PODXL: variants seen among roughly 807,000 people sequenced by gnomAD.
PODXL encodes podocalyxin like.
A neutral mutation model predicts 48.9 loss-of-function variants in PODXL; 20 were observed. That is an observed-to-expected ratio of 0.41 (90% confidence interval 0.29 to 0.59). The LOEUF (loss-of-function observed/expected upper bound fraction) is 0.59, where lower values mean the gene tolerates loss of function less well. Among genes scored for constraint, PODXL ranks in the 20% least tolerant of loss-of-function variants. PODXL has a pLI of 0.31. For synonymous variants in PODXL, 295 were observed against 287.4 expected (o/e 1.03, Z -0.27); for missense variants, 606 against 675.1 (o/e 0.90, Z 1.13).
chr7:131,508,827 C>G (rs934497073), intron 5 of PODXL, 124 bp downstream of exon 5: 1 of 770,474 alleles, frequency 1.3e-6, no homozygotes, highest in South Asian at 1.5e-5. Flanking sequence ...AAATGAGGGC[C>G]GGAAAGCAAA....
Position 131,505,908 on chromosome 7 carries a change from T to G in PODXL, c.1439A>C (p.Tyr480Ser). Residue 480 changes from tyrosine (Y) to serine (S), a missense_variant, in exon 8 of 9, where the codon TAT (tyrosine) becomes TCT (serine). Physicochemically the swap from Tyr to Ser is moderately radical, Grantham distance 144 (BLOSUM62 -2). Transcript: ENST00000378555. Reference sequence around the variant, plus strand: ...GGAGAGGCGCTGGTGGCAGCAGCCATAGAGGGCCGCCACGAGGAGCAGGAA... The same window carrying G: ...GGAGAGGCGCTGGTGGCAGCAGCCAGAGAGGGCCGCCACGAGGAGCAGGAA... ...ASFLLLVAAL[Y>S]GCCHQRLSQR... The G allele has an allele frequency of 1.3e-6, 2 of 1,580,960 alleles. No individual in the cohort carries two copies. Among genetic ancestry groups the G allele is most frequent in the Non-Finnish European group, 1.7e-6 (2 of 1,163,844 alleles).
At position 131,501,161 on chromosome 7, in the gene PODXL, C is replaced by CTTG. The variant is rs887102298; in HGVS notation, c.*3147_*3149dup. The CTTG allele has an allele frequency of 1.3e-5, 2 of 152,058 alleles. No homozygotes were observed. The highest frequency in any genetic ancestry group is 4.9e-5 in the African/African-American group (2 of 41,182). The allele number at this position is 152,058 out of a possible 1,614,324, so 9.4% of individuals were successfully genotyped here. Reference sequence around the variant, plus strand: ...GACAAATACTTTATCATAAGTTTGTCTTGTTATATTTCATTTTTTGTTTAA... The same window carrying CTTG: ...GACAAATACTTTATCATAAGTTTGTCTTGTTGTTATATTTCATTTTTTGTTTAA... On this transcript the variant is annotated 3_prime_UTR_variant, in exon 9 of 9. Transcript: ENST00000378555.
chr7:131,514,511 T>A (rs1444915852), intron 1 of PODXL, among the ~76,000 whole-genome samples: 1 of 152,078 alleles, frequency 6.6e-6, no homozygotes, highest in Non-Finnish European at 1.5e-5. Context: ...CTTCTTACTA[T>A]TGATGGCATC....
chr7:131,522,050 C>T (rs1798100509), intron 1 of PODXL, among the ~76,000 whole-genome samples: 1 of 152,234 alleles, frequency 6.6e-6, no homozygotes, highest in African/African-American at 2.4e-5. Flanking sequence ...CCAGTGAAGG[C>T]CGCACCCTCA....
intron 1 of PODXL, among the ~76,000 whole-genome samples, chr7:131,519,204 T>C (rs1186064306): frequency 6.6e-6 from 1 of 152,230 alleles, no homozygotes. Flanking sequence ...GCTTTTCTCC[T>C]GTCACTGTCC....
At position 131,504,405 on chromosome 7, in the gene PODXL, ACCACCTTCTTCT is replaced by A; in HGVS notation, c.1571_1582del (p.Glu524_Val527del). ...GTCCCCCAGCTCCCCGTTGAGGCTG[ACCACCTTCTTCT>A]CCTGCATCTCAGAAGAGGTCTCCAT... On this transcript the variant is annotated inframe_deletion, in exon 9 of 9. Coordinates refer to ENST00000378555, the MANE Select transcript of PODXL (RefSeq NM_001018111.3). 6.2e-7 allele frequency: 1 copy of A among 1,614,194 alleles called. No homozygotes were observed. Among genetic ancestry groups the A allele is most frequent in the Non-Finnish European group, 8.5e-7 (1 of 1,180,030 alleles).
chr7:131,544,742 T>A lies in PODXL; in HGVS notation c.100+11518A>T, dbSNP rs555401299. ...CTGGCTGAACAATGGGCACCCCTCCTCATTGTCCCACCTGCGAGTAGTGCC... is the reference window on the plus strand; with the variant it reads ...CTGGCTGAACAATGGGCACCCCTCCACATTGTCCCACCTGCGAGTAGTGCC... On this transcript the variant is annotated intron_variant, in intron 1 of 8. Transcript: ENST00000378555. Among the ~76,000 whole-genome samples the A allele has an allele frequency of 2.6e-5, 4 of 152,234 alleles. No individual in the cohort carries two copies. In the East Asian group the frequency reaches 5.8e-4, roughly 22 times the overall value.
chr7:131,520,257 C>A lies in PODXL; in HGVS notation c.101-8824G>T, dbSNP rs1584815828. The A allele has an allele frequency of 6.3e-6, 3 of 473,450 alleles. No homozygotes were observed. The East Asian group carries it at 1.7e-4, about 28-fold the overall frequency. 29.3% of individuals were successfully genotyped at this position (473,450 alleles called of 1,614,324 possible). On this transcript the variant is annotated intron_variant, in intron 1 of 8. Coordinates refer to ENST00000378555, the MANE Select transcript of PODXL (RefSeq NM_001018111.3). ...CCTGGAGTGGGCTTCAAGCAGCATG[C>A]CCCTCAGGCACTCACAGAGATCCAG...
At chr7:131,540,526 C>T (rs1351940770) in intron 1 of PODXL, among the ~76,000 whole-genome samples, 1 of 152,114 alleles carries the variant, frequency 6.6e-6, no homozygotes, top group Non-Finnish European at 1.5e-5. Flanking sequence ...CGACCCTCAC[C>T]CTTCTCAACT....
chr7:131,555,276 G>A (rs1798725243), intron 1 of PODXL, among the ~76,000 whole-genome samples: 2 of 152,210 alleles, frequency 1.3e-5, no homozygotes. Context: ...CATGTGCTCA[G>A]GTGGGCAAAA....
intron 1 of PODXL, among the ~76,000 whole-genome samples, chr7:131,525,351 G>A (rs965576950): frequency 3.4e-5 from 5 of 147,818 alleles, no homozygotes; most frequent in Admixed American, 7.0e-5. Context: ...CACTTTGGGA[G>A]GCCGAGGCGG....
intron 6 of PODXL, 33 bp downstream of exon 6, chr7:131,506,546 G>A: frequency 6.2e-7 from 1 of 1,607,576 alleles, no homozygotes; most frequent in Non-Finnish European, 8.5e-7. Flanking sequence ...ACCCATGCAG[G>A]CCCCAGCCCA....
At chr7:131,512,973 C>A (rs906671983) in intron 1 of PODXL, among the ~76,000 whole-genome samples, 3 of 128,948 alleles carry the variant, frequency 2.3e-5, no homozygotes, top group South Asian at 2.4e-4. Flanking sequence ...TCAGCCTGGG[C>A]GACTGAGCAA....
intron 1 of PODXL, among the ~76,000 whole-genome samples, chr7:131,529,818 T>C (rs1294965245): frequency 6.6e-6 from 1 of 151,944 alleles, no homozygotes; most frequent in African/African-American, 2.4e-5. Flanking sequence ...ATTCCTAAGG[T>C]CCCTCGGGGT....
intron 1 of PODXL, among the ~76,000 whole-genome samples, chr7:131,512,330 G>A (rs1797927110): frequency 6.6e-6 from 1 of 152,142 alleles, no homozygotes; most frequent in African/African-American, 2.4e-5. Context: ...GGACAGAGCA[G>A]CCGTCAAATC....
rs1797761831 is a variant in PODXL at position 131,504,345 on chromosome 7, T to C, written c.1643A>G (p.Asp548Gly). The change falls in exon 9 of 9, where the codon GAC becomes GGC. Residue 548 changes from aspartate to glycine, a missense_variant. Physicochemically the swap from Asp to Gly is moderately conservative, Grantham distance 94. Coordinates refer to ENST00000378555, the MANE Select transcript of PODXL (RefSeq NM_001018111.3). ...WIVPLDNLTKDDLDEEEDTHL is the reference protein window; with the variant it reads ...WIVPLDNLTKGDLDEEEDTHL ...TGTGTCTTCCTCCTCATCCAGGTCG[T>C]CCTTGGTCAGGTTGTCCAGAGGGAC... The C allele has an allele frequency of 1.2e-6, 2 of 1,614,098 alleles. No individual in the cohort carries two copies. Among genetic ancestry groups the C allele is most frequent in the South Asian group, 1.1e-5 (1 of 91,080 alleles).
chr7:131,526,234 G>A (rs1017536513), intron 1 of PODXL, among the ~76,000 whole-genome samples: 20 of 152,140 alleles, frequency 1.3e-4, no homozygotes, highest in African/African-American at 4.6e-4. Context: ...AAACGAAGAG[G>A]AAGGCAAGTT....
chr7:131,551,924 G>A (rs1376177162), intron 1 of PODXL, among the ~76,000 whole-genome samples: 1 of 135,408 alleles, frequency 7.4e-6, no homozygotes, highest in African/African-American at 3.0e-5. Context: ...GTGACAGAAC[G>A]AGACTCCATC....
intron 8 of PODXL, among the ~76,000 whole-genome samples, chr7:131,505,575 GTGGGTGACACCAGCC>G (rs1233263884): frequency 2.6e-5 from 4 of 152,124 alleles, no homozygotes; most frequent in African/African-American, 9.7e-5. Context: ...TGAGGTTGCA[GTGGGTGACACCAGCC>G]TGGGTGACAG....
Sources: gnomAD v4.1 joint callset for allele counts (sites outside exome capture counted in the v4.1 genomes callset) on GRCh38, gnomAD v4.1.1 for gene constraint, MANE v1.5 for transcripts, NCBI Gene and HGNC (gene_info 2026-07-23, HGNC 2026-07-21) for gene names.